The following RPL31 variants were observed in gnomAD, a reference collection of about 807,000 sequenced individuals.
The protein encoded by RPL31 is ribosomal protein L31.
For missense variants in RPL31, 95 were observed against 164.0 expected (o/e 0.58, Z 2.30); for synonymous variants, 51 against 55.0 (o/e 0.93, Z 0.32).
downstream of RPL31, among the ~76,000 whole-genome samples, chr2:101,009,232 G>A (rs1303603574): frequency 6.6e-6 from 1 of 152,026 alleles, no homozygotes; most frequent in African/African-American, 2.4e-5. Context: ...GTGAAACCCT[G>A]TCTCTATTAA....
downstream of RPL31, chr2:101,008,110 CCA>C: frequency 6.2e-7 from 1 of 1,613,862 alleles, no homozygotes; most frequent in Non-Finnish European, 8.5e-7. Flanking sequence ...CAGCTCCTCC[CCA>C]CACTCCTGGG....
chr2:101,010,162 G>T (rs17025181), downstream of RPL31, among the ~76,000 whole-genome samples: 3,289 of 152,156 alleles, frequency 0.022, 123 homozygotes, highest in African/African-American at 0.076. Context: ...ACATTGGGAG[G>T]AACCATTTTC....
chr2:101,009,588 G>A (rs1052087476), downstream of RPL31, among the ~76,000 whole-genome samples: 1 of 152,008 alleles, frequency 6.6e-6, no homozygotes, highest in Non-Finnish European at 1.5e-5. Context: ...ATAGCTCTGA[G>A]TGATGAAGTT....
exon 5 of RPL31, chr2:101,019,008 A>G (rs758817335): frequency 6.2e-7 from 1 of 1,612,490 alleles, no homozygotes; most frequent in South Asian, 1.1e-5. Context: ...TTTCTGTGCT[A>G]AACAGTGTTA....
downstream of RPL31, among the ~76,000 whole-genome samples, chr2:101,009,776 C>T (rs543917594): frequency 1.8e-4 from 28 of 151,544 alleles, no homozygotes; most frequent in East Asian, 4.8e-3. Context: ...CTTGAAGGGT[C>T]GTAGTCCACA....
intron 2 of RPL31, among the ~76,000 whole-genome samples, chr2:101,003,079 A>T (rs564860571): frequency 6.6e-6 from 1 of 152,118 alleles, no homozygotes; most frequent in African/African-American, 2.4e-5. Flanking sequence ...CTACCCAAAC[A>T]TGCGTGGTCT....
chr2:101,005,636 C>A, intron 3 of RPL31: 1 of 280,674 alleles, frequency 3.6e-6, no homozygotes. Flanking sequence ...ACAGAAAAAT[C>A]ACGTAACAAA....
At chr2:101,011,163 G>A (rs147506461), downstream of RPL31, 10 of 847,912 alleles carry the variant, frequency 1.2e-5, no homozygotes, top group African/African-American at 6.8e-5. Context: ...GAAAGCAAGA[G>A]ATTCCCCTGG....
At position 101,004,336 on chromosome 2, in the gene RPL31, A is replaced by G. The variant is rs764902941; in HGVS notation, c.233+53A>G. The G allele has an allele frequency of 2.0e-5, 32 of 1,602,940 alleles. No individual in the cohort carries two copies. The South Asian group carries it at 3.6e-4, about 18-fold the overall frequency. On this transcript the variant is annotated intron_variant, in intron 3 of 4. Transcript: ENST00000264258. Reference sequence around the variant, plus strand: ...GAACTTTTGCAATGACACCAGCTTCACTTAACCCTGCAAGAGCCCATATCA... The same window carrying G: ...GAACTTTTGCAATGACACCAGCTTCGCTTAACCCTGCAAGAGCCCATATCA...
chr2:101,006,541 G>C lies in RPL31; in HGVS notation c.*160G>C, dbSNP rs991932434. 3 of 647,110 alleles carry C rather than the reference G, an allele frequency of 4.6e-6. No homozygotes were observed. The highest frequency in any genetic ancestry group is 7.5e-5 in the Admixed American group (2 of 26,710). 40.1% of individuals were successfully genotyped at this position (647,110 alleles called of 1,614,324 possible). A position where few individuals can be genotyped will look rare whatever the true frequency, so the allele number is the denominator to read the frequency against. On this transcript the variant is annotated 3_prime_UTR_variant, in exon 5 of 5. Coordinates refer to ENST00000264258, the MANE Select transcript of RPL31 (RefSeq NM_000993.5). The stretch of plus-strand genomic sequence containing the variant: ...TGTGCTGCCTTCTCCCCATCCCCTG[G>C]GGTTTTAAAGTGATTTCAAACTGCA...
rs374068093 is a variant in RPL31, at chr2:101,005,992, C to T, written c.267C>T (p.Ser89=). The T allele has an allele frequency of 2.5e-6, 4 of 1,613,412 alleles. No individual in the cohort carries two copies. The highest frequency in any genetic ancestry group is 1.7e-5 in the Admixed American group (1 of 59,998). Reference sequence around the variant, plus strand: ...CATACCGAATCCGTGTGCGGCTGTCCAGAAAACGTAATGAGGATGAAGATT... The same window carrying T: ...CATACCGAATCCGTGTGCGGCTGTCTAGAAAACGTAATGAGGATGAAGATT... ...NVPYRIRVRL[S]RKRNEDEDSP... The change falls in exon 4 of 5, where the codon TCC becomes TCT. Residue 89 remains serine (S), a synonymous_variant. Transcript: ENST00000264258.
At chr2:101,008,013 T>G, downstream of RPL31, 1 of 1,614,046 alleles carries the variant, frequency 6.2e-7, no homozygotes, top group Non-Finnish European at 8.5e-7. Context: ...AGTCCCTTTC[T>G]GCCGCCTCTG....
rs187476631 is a variant in RPL31 at position 101,012,659 on chromosome 2, A to C, written c.347-6339A>C. ...AAAAACCCATTGAATTGTACGCTTT[A>C]AACGGGTGACTTGCATGGTGCGTGA... On this transcript the variant is annotated intron_variant, in intron 4 of 4. Transcript: ENST00000409028. Among the ~76,000 whole-genome samples, 38 of 152,338 alleles carry C rather than the reference A, an allele frequency of 2.5e-4. 1 individual carries two copies. In the East Asian group the frequency reaches 5.8e-3, roughly 23 times the overall value.
intron 1 of RPL31, 98 bp downstream of exon 1, chr2:101,002,413 C>T (rs1416141481): frequency 2.3e-5 from 10 of 425,618 alleles, no homozygotes; most frequent in Admixed American, 1.9e-4. Flanking sequence ...CGAGCCAGCC[C>T]GGGGCTCCGG....
chr2:101,018,613 C>T (rs1679828043), intron 4 of RPL31, among the ~76,000 whole-genome samples: 1 of 152,200 alleles, frequency 6.6e-6, no homozygotes, highest in African/African-American at 2.4e-5. Context: ...GGCAGGCAAA[C>T]ATTTCAGAGA....
downstream of RPL31, chr2:101,011,369 G>T: frequency 7.5e-7 from 1 of 1,341,310 alleles, no homozygotes. Flanking sequence ...GCTGCTACAA[G>T]AAGAGGGATG....
At chr2:101,009,668 A>G (rs1463714947), downstream of RPL31, among the ~76,000 whole-genome samples, 2 of 152,136 alleles carry the variant, frequency 1.3e-5, no homozygotes, top group African/African-American at 4.8e-5. Context: ...ACAGTAGACG[A>G]GCAGCATTTC....
chr2:101,007,863 C>T (rs754948801), downstream of RPL31: 10 of 1,612,108 alleles, frequency 6.2e-6, no homozygotes, highest in South Asian at 1.1e-5. Context: ...ATTGGTGGCT[C>T]ATTTCAAAAG....
intron 4 of RPL31, among the ~76,000 whole-genome samples, chr2:101,017,281 A>G (rs926890253): frequency 1.1e-4 from 16 of 152,154 alleles, no homozygotes; most frequent in Admixed American, 2.0e-4. Context: ...ATTTTTTTTA[A>G]TAAGTAGAAG....
Sources: allele counts gnomAD v4.1 joint callset (sites outside exome capture counted in the v4.1 genomes callset), GRCh38; gene constraint gnomAD v4.1.1; transcripts MANE v1.5; gene names NCBI Gene and HGNC (gene_info 2026-07-23, HGNC 2026-07-21).